Variants in ESRRB observed in about 807,000 individuals in gnomAD.
ESRRB encodes estrogen related receptor beta, also known as steroid hormone receptor ERR2.
In ESRRB, 16 loss-of-function variants were observed where a neutral mutation model predicts 46.0. That is an observed-to-expected ratio of 0.35 (90% CI 0.24 to 0.53). The LOEUF is 0.53. Ranked by LOEUF, ESRRB falls within the 20% of genes least tolerant of loss-of-function variation. The pLI is 0.93. For missense variants in ESRRB, 488 were observed against 607.4 expected (o/e 0.80, Z 2.07); for synonymous variants, 246 against 259.6 (o/e 0.95, Z 0.50).
chr14:76,445,028 TG>T (rs1335121756), intron 2 of ESRRB, among the ~76,000 whole-genome samples: 1 of 147,886 alleles, frequency 6.8e-6, no homozygotes, highest in African/African-American at 2.7e-5. Context: ...AAAAATTAGC[TG>T]GGTATGGTGG....
In ESRRB at chr14:76,364,691, CAA is replaced by C. The variant is rs11432405; in HGVS notation, c.2+53787_2+53788del. Among the ~76,000 whole-genome samples the C allele has an allele frequency of 4.2e-5, 6 of 143,412 alleles. No individual in the cohort carries two copies. In the East Asian group the frequency reaches 1.2e-3, roughly 30 times the overall value. The allele number at this position is 143,412 out of a possible 152,430, so 94.1% of individuals were successfully genotyped here. The stretch of plus-strand genomic sequence containing the variant: ...TGGGCAACAGAGCGAGATCCTGTCT[CAA>C]AAAAAAAAAAATGCCCTAAGGACAT... On this transcript the variant is annotated intron_variant, in intron 1 of 6. Coordinates refer to the ESRRB transcript ENST00000512784.
chr14:76,491,443 G>A lies in ESRRB; in HGVS notation c.851-4G>A. The A allele has an allele frequency of 6.2e-7, 1 of 1,607,522 alleles. No homozygotes were observed. On this transcript the variant is annotated splice_polypyrimidine_tract_variant and splice_region_variant and intron_variant, in intron 5 of 6. Coordinates refer to ENST00000644823, the MANE Select transcript of ESRRB (RefSeq NM_001379180.1). Reference sequence around the variant, plus strand: ...GCTGCCCTCTGTGCCCCCTCTTCCTGCAGGCTTCTCAAGCCTCTCCCTGGG... The same window carrying A: ...GCTGCCCTCTGTGCCCCCTCTTCCTACAGGCTTCTCAAGCCTCTCCCTGGG...
chr14:76,329,112 T>C (rs117558750), intron 1 of ESRRB, among the ~76,000 whole-genome samples: 20 of 152,044 alleles, frequency 1.3e-4, no homozygotes, highest in African/African-American at 3.6e-4. Flanking sequence ...GAAAAAGCAA[T>C]TGGGTACCCG....
intron 1 of ESRRB, among the ~76,000 whole-genome samples, chr14:76,405,196 G>A (rs765799998): frequency 1.6e-4 from 24 of 152,024 alleles, no homozygotes; most frequent in Admixed American, 3.9e-4. Context: ...GAAACTCCTC[G>A]GCTGAGGCAA....
intron 1 of ESRRB, among the ~76,000 whole-genome samples, chr14:76,379,124 G>C (rs1208294335): frequency 2.0e-5 from 3 of 152,158 alleles, no homozygotes; most frequent in African/African-American, 7.2e-5. Context: ...AACACACACA[G>C]AGAGAAACAT....
intron 1 of ESRRB, among the ~76,000 whole-genome samples, chr14:76,349,146 C>G (rs566845265): frequency 2.6e-5 from 4 of 152,120 alleles, no homozygotes; most frequent in East Asian, 1.9e-4. Context: ...TCAGCGCATC[C>G]GGACAGAGTT....
At chr14:76,485,872 A>G (rs981735917) in intron 5 of ESRRB, among the ~76,000 whole-genome samples, 1 of 152,188 alleles carries the variant, frequency 6.6e-6, no homozygotes, top group African/African-American at 2.4e-5. Context: ...GGCATTGCAC[A>G]CTTAGCTTTG....
chr14:76,369,279 G>GGT (rs1353989338), upstream of ESRRB, among the ~76,000 whole-genome samples: 3 of 137,228 alleles, frequency 2.2e-5, no homozygotes, highest in Non-Finnish European at 5.0e-5. Flanking sequence ...TTTTCTTTGA[G>GGT]GTTTTTTTTT....
At chr14:76,327,994 G>A (rs192814846) in intron 1 of ESRRB, among the ~76,000 whole-genome samples, 14 of 152,148 alleles carry the variant, frequency 9.2e-5, no homozygotes, top group Middle Eastern at 3.4e-3. Flanking sequence ...GGTTACAGGC[G>A]TGAGCCACTG....
At chr14:76,456,175 C>A (rs895201524) in intron 2 of ESRRB, among the ~76,000 whole-genome samples, 1 of 152,106 alleles carries the variant, frequency 6.6e-6, no homozygotes, top group Non-Finnish European at 1.5e-5. Flanking sequence ...GTCTTCAATG[C>A]CTGACACTTT....
chr14:76,328,867 T>C lies in ESRRB; in HGVS notation c.2+17951T>C, dbSNP rs4903400. 8.5e-3 allele frequency among the ~76,000 whole-genome samples: 1,301 copies of C among 152,228 alleles called. 16 individuals carry two copies. The highest frequency in any genetic ancestry group is 0.017 in the Middle Eastern group (5 of 294). ...GTCTGTCTTCCCTCCAGGACTGAGA[T>C]CTCTTGAGGCAGGAACTATGTTGCA... On this transcript the variant is annotated intron_variant, in intron 1 of 6. Coordinates refer to the ESRRB transcript ENST00000512784.
At chr14:76,486,680 T>C (rs1566613320) in intron 5 of ESRRB, among the ~76,000 whole-genome samples, 1 of 152,106 alleles carries the variant, frequency 6.6e-6, no homozygotes, top group Non-Finnish European at 1.5e-5. Context: ...ACAATTTTCC[T>C]GGGGCAGCAG....
In ESRRB at chr14:76,475,078, T is replaced by A. The variant is rs568107381; in HGVS notation, c.578-6938T>A. On this transcript the variant is annotated intron_variant, in intron 3 of 6. Transcript: ENST00000644823. ...ACCCCCATCTTTGCAAAAAAATTTT[T>A]AAAAAATTATCTGGGTGTCATGGCA... is the stretch of plus-strand genomic sequence containing the variant. Among the ~76,000 whole-genome samples, 57 of 151,660 alleles carry A rather than the reference T, an allele frequency of 3.8e-4. No homozygotes were observed. In the East Asian group the frequency reaches 5.3e-3, roughly 14 times the overall value.
chr14:76,357,631 A>G (rs1177551587), intron 1 of ESRRB, among the ~76,000 whole-genome samples: 1 of 152,332 alleles, frequency 6.6e-6, no homozygotes, highest in East Asian at 1.9e-4. Context: ...CTTCTGCCTC[A>G]GTCTTCCAAG....
chr14:76,437,092 C>T (rs1382085180), intron 1 of ESRRB, among the ~76,000 whole-genome samples: 2 of 152,102 alleles, frequency 1.3e-5, no homozygotes, highest in Non-Finnish European at 2.9e-5. Flanking sequence ...AGTGCAGTAG[C>T]CCGATCTCGG....
intron 1 of ESRRB, among the ~76,000 whole-genome samples, chr14:76,357,821 G>A (rs893403086): frequency 9.9e-5 from 15 of 152,124 alleles, no homozygotes; most frequent in Admixed American, 3.9e-4. Context: ...AGCTGGGATC[G>A]TTTTAAATAG....
At chr14:76,448,361 T>A (rs1888241856) in intron 2 of ESRRB, among the ~76,000 whole-genome samples, 1 of 142,668 alleles carries the variant, frequency 7.0e-6, no homozygotes, top group Non-Finnish European at 1.5e-5. Flanking sequence ...CGAGTCTCCC[T>A]CTTGTTGCCC....
In ESRRB at chr14:76,500,683, T is replaced by G. The variant is rs1422383444; in HGVS notation, c.*2225T>G. On this transcript the variant is annotated 3_prime_UTR_variant, in exon 7 of 7. Coordinates refer to ENST00000644823, the MANE Select transcript of ESRRB (RefSeq NM_001379180.1). The stretch of plus-strand genomic sequence containing the variant: ...TCATGCCCAGCTGGCATCTGCTGTC[T>G]GTCTTTTCTAGGGAAAGCATCTCTG... 1 of 1,613,870 alleles carries G rather than the reference T, an allele frequency of 6.2e-7. No individual in the cohort carries two copies. The highest frequency in any genetic ancestry group is 8.5e-7 in the Non-Finnish European group (1 of 1,179,834).
At chr14:76,451,750 G>A (rs998983745) in intron 2 of ESRRB, among the ~76,000 whole-genome samples, 1 of 150,796 alleles carries the variant, frequency 6.6e-6, no homozygotes, top group African/African-American at 2.4e-5. Flanking sequence ...AGCCTGCCCA[G>A]CAGCTGGGAT....
Sources: gnomAD v4.1 joint callset for allele counts (sites outside exome capture counted in the v4.1 genomes callset) on GRCh38, gnomAD v4.1.1 for gene constraint, MANE v1.5 for transcripts, NCBI Gene and HGNC (gene_info 2026-07-23, HGNC 2026-07-21) for gene names.